ZMAT4: variants seen among roughly 807,000 people sequenced by gnomAD.
ZMAT4 encodes the protein zinc finger matrin-type protein 4.
A neutral mutation model predicts 28.7 loss-of-function variants in ZMAT4; 17 were observed. That is an observed-to-expected ratio of 0.59 (90% confidence interval 0.41 to 0.89). The LOEUF is 0.89. Among genes scored for constraint, ZMAT4 ranks in the 40% least tolerant of loss-of-function variants. ZMAT4 has a pLI of 0.00. For synonymous variants in ZMAT4, 117 were observed against 109.2 expected, an observed-to-expected ratio of 1.07 and a Z score of -0.44; for missense variants, 240 against 283.8, an observed-to-expected ratio of 0.85 and a Z score of 1.11.
intron 6 of ZMAT4, among the ~76,000 whole-genome samples, chr8:40,576,525 T>A (rs1351285057): frequency 3.0e-5 from 4 of 134,692 alleles, no homozygotes; most frequent in Admixed American, 7.7e-5. Flanking sequence ...ATTTAAGGGC[T>A]GAAAGGAAAA....
intron 1 of ZMAT4, among the ~76,000 whole-genome samples, chr8:40,881,795 A>G (rs1034837933): frequency 6.6e-6 from 1 of 152,108 alleles, no homozygotes; most frequent in Non-Finnish European, 1.5e-5. Flanking sequence ...TATTTTTTCC[A>G]TACAGAGATG....
intron 4 of ZMAT4, among the ~76,000 whole-genome samples, chr8:40,691,909 C>G (rs543447802): frequency 1.3e-5 from 2 of 152,222 alleles, no homozygotes; most frequent in South Asian, 4.1e-4. Context: ...GGTATATCAC[C>G]TATTTTACAA....
chr8:40,892,360 G>T (rs997446269), intron 1 of ZMAT4, among the ~76,000 whole-genome samples: 1 of 151,922 alleles, frequency 6.6e-6, no homozygotes, highest in Non-Finnish European at 1.5e-5. Flanking sequence ...CGCCACCCTG[G>T]CCTCACAGCC....
At chr8:40,821,718 G>T (rs1239045441) in intron 2 of ZMAT4, among the ~76,000 whole-genome samples, 1 of 152,042 alleles carries the variant, frequency 6.6e-6, no homozygotes, top group African/African-American at 2.4e-5. Context: ...CCAACAATAT[G>T]CCCTGACCAC....
At chr8:40,802,591 T>C (rs941846310) in intron 2 of ZMAT4, among the ~76,000 whole-genome samples, 17 of 152,140 alleles carry the variant, frequency 1.1e-4, no homozygotes, top group African/African-American at 3.9e-4. Flanking sequence ...AGATATTCCA[T>C]GTTCATGGAT....
chr8:40,801,601 C>G (rs2150587623), intron 2 of ZMAT4, among the ~76,000 whole-genome samples: 1 of 151,876 alleles, frequency 6.6e-6, no homozygotes, highest in Admixed American at 6.6e-5. Flanking sequence ...ATCCAGGAGG[C>G]AGAGGTGGCA....
chr8:40,640,372 A>G (rs937197439), intron 5 of ZMAT4, among the ~76,000 whole-genome samples: 1 of 152,192 alleles, frequency 6.6e-6, no homozygotes, highest in African/African-American at 2.4e-5. Context: ...TTATTTAGTG[A>G]TACTTGAAAA....
intron 1 of ZMAT4, among the ~76,000 whole-genome samples, chr8:40,887,032 G>A (rs569684725): frequency 4.0e-5 from 6 of 151,888 alleles, no homozygotes; most frequent in South Asian, 2.1e-4. Flanking sequence ...TTAACCTGGC[G>A]TGGTGGCGGG....
chr8:40,674,237 G>C (rs1168417161), intron 5 of ZMAT4: 1 of 152,756 alleles, frequency 6.5e-6, no homozygotes, highest in Non-Finnish European at 1.5e-5. Flanking sequence ...TGGGATTATA[G>C]GTGCGCACTG....
At chr8:40,650,103 C>CA (rs1394733718) in intron 5 of ZMAT4, among the ~76,000 whole-genome samples, 9 of 151,894 alleles carry the variant, frequency 5.9e-5, no homozygotes, top group African/African-American at 1.5e-4. Flanking sequence ...AATAGAGACA[C>CA]AAAAAACCCT....
At chr8:40,737,233 G>A (rs1475969466) in intron 3 of ZMAT4, among the ~76,000 whole-genome samples, 2 of 151,500 alleles carry the variant, frequency 1.3e-5, no homozygotes, top group South Asian at 2.1e-4. Context: ...TTTTTAGCTC[G>A]TCAGCTATCA....
intron 4 of ZMAT4, among the ~76,000 whole-genome samples, chr8:40,678,675 T>C (rs1461112785): frequency 6.6e-6 from 1 of 152,218 alleles, no homozygotes; most frequent in African/African-American, 2.4e-5. Flanking sequence ...TGTGTATGTG[T>C]AAGGGAAATT....
chr8:40,773,175 G>A (rs1813452646), intron 2 of ZMAT4, among the ~76,000 whole-genome samples: 1 of 152,112 alleles, frequency 6.6e-6, no homozygotes, highest in South Asian at 2.1e-4. Flanking sequence ...GAAGAACATT[G>A]GGCACAGAAA....
intron 3 of ZMAT4, among the ~76,000 whole-genome samples, chr8:40,703,785 G>A (rs181881995): frequency 8.4e-4 from 128 of 152,268 alleles, no homozygotes; most frequent in East Asian, 1.3e-3. Flanking sequence ...AAGTCTAAAA[G>A]ATTCATTTAA....
intron 5 of ZMAT4, among the ~76,000 whole-genome samples, chr8:40,600,513 A>G (rs1805264585): frequency 6.6e-6 from 1 of 152,094 alleles, no homozygotes; most frequent in Non-Finnish European, 1.5e-5. Flanking sequence ...TCCCTTCACC[A>G]CATGCTCAGC....
chr8:40,666,772 A>G (rs1056478680), intron 5 of ZMAT4, among the ~76,000 whole-genome samples: 2 of 152,184 alleles, frequency 1.3e-5, no homozygotes, highest in Non-Finnish European at 2.9e-5. Flanking sequence ...ACAAGTTTGA[A>G]CCGCATGGGT....
intron 5 of ZMAT4, among the ~76,000 whole-genome samples, chr8:40,660,655 G>A (rs557405297): frequency 1.3e-5 from 2 of 152,248 alleles, no homozygotes; most frequent in Admixed American, 6.5e-5. Flanking sequence ...GTCATACAAA[G>A]GTTTCAGATG....
chr8:40,831,490 G>A (rs926864435), intron 1 of ZMAT4, among the ~76,000 whole-genome samples: 2 of 152,162 alleles, frequency 1.3e-5, no homozygotes, highest in South Asian at 2.1e-4. Context: ...CCAGGCGGCC[G>A]CAGCCATCAG....
intron 1 of ZMAT4, among the ~76,000 whole-genome samples, chr8:40,889,169 G>A (rs1273497134): frequency 1.3e-5 from 2 of 152,214 alleles, no homozygotes; most frequent in South Asian, 2.1e-4. Context: ...GCAGGTGACA[G>A]GGCCCGGAGG....
Sources: allele counts gnomAD v4.1 joint callset (sites outside exome capture counted in the v4.1 genomes callset), GRCh38; gene constraint gnomAD v4.1.1; transcripts MANE v1.5; gene names NCBI Gene and HGNC (gene_info 2026-07-23, HGNC 2026-07-21).